The following DLG2 variants were observed in gnomAD, a reference collection of about 807,000 sequenced individuals.
The protein encoded by DLG2 is discs large MAGUK scaffold protein 2.
DLG2 carries 45 observed loss-of-function variants against 132.5 expected under a neutral mutation model. The ratio of observed to expected loss-of-function variants is 0.34; its 90% CI spans 0.27 to 0.44. The LOEUF (loss-of-function observed/expected upper bound fraction) is 0.44. Ranked by LOEUF, DLG2 falls within the 20% of genes least tolerant of loss-of-function variation. The pLI, the probability that DLG2 is intolerant of heterozygous loss-of-function variation, is 1.00. For synonymous variants in DLG2, 424 were observed against 419.6 expected (o/e 1.01, Z -0.13); for missense variants, 1,045 against 1,196.9 (o/e 0.87, Z 1.87).
intron 6 of DLG2, chr11:84,546,603 T>C: frequency 2.0e-6 from 1 of 492,846 alleles, no homozygotes; most frequent in Non-Finnish European, 3.9e-6. Flanking sequence ...TCCACGACTC[T>C]CTCATACCTC....
At chr11:83,714,102 A>G (rs936977411) in intron 18 of DLG2, among the ~76,000 whole-genome samples, 1 of 152,208 alleles carries the variant, frequency 6.6e-6, no homozygotes, top group Admixed American at 6.5e-5. Flanking sequence ...TTTGTTCTTA[A>G]CAAAACAGAA....
intron 5 of DLG2, among the ~76,000 whole-genome samples, chr11:85,127,491 T>G (rs2075270382): frequency 1.3e-5 from 2 of 152,170 alleles, no homozygotes; most frequent in South Asian, 4.1e-4. Flanking sequence ...TTATCAGACA[T>G]CACTGCTATT....
At chr11:85,266,570 G>A (rs1470917649) in intron 4 of DLG2, among the ~76,000 whole-genome samples, 1 of 151,750 alleles carries the variant, frequency 6.6e-6, no homozygotes, top group East Asian at 1.9e-4. Flanking sequence ...TAACAATCCT[G>A]CATGTTCTGC....
chr11:83,977,970 A>G (rs1209737114), intron 12 of DLG2, among the ~76,000 whole-genome samples: 2 of 152,068 alleles, frequency 1.3e-5, no homozygotes, highest in Non-Finnish European at 2.9e-5. Flanking sequence ...GAAATATTCT[A>G]TTTACCAGTG....
chr11:84,222,901 T>A (rs2096935797), intron 8 of DLG2, among the ~76,000 whole-genome samples: 1 of 152,206 alleles, frequency 6.6e-6, no homozygotes, highest in Non-Finnish European at 1.5e-5. Flanking sequence ...CCTTGGCTAA[T>A]GTGTGGCATA....
rs55876762 is a variant in DLG2 at position 84,236,049 on chromosome 11, T to TAA, written c.573+15187_573+15188dup. On this transcript the variant is annotated intron_variant, in intron 8 of 27. Coordinates refer to ENST00000376104, the MANE Select transcript of DLG2 (RefSeq NM_001142699.3). ...ATATTTCCACCTTTCTCCATTTTATTAAAAAAAAAAAAAAACAACTAAGGC... is the reference window on the plus strand; with the variant it reads ...ATATTTCCACCTTTCTCCATTTTATTAAAAAAAAAAAAAAAAACAACTAAGGC... Among the ~76,000 whole-genome samples the TAA allele has an allele frequency of 2.1e-3, 305 of 143,342 alleles. 1 individual carries two copies. The highest frequency in any genetic ancestry group is 6.5e-3 in the Admixed American group (94 of 14,398). 94.0% of individuals were successfully genotyped at this position (143,342 alleles called of 152,430 possible). A position where few individuals can be genotyped will look rare whatever the true frequency, so the allele number is the denominator to read the frequency against.
At chr11:84,990,808 G>A (rs1045776137) in intron 6 of DLG2, among the ~76,000 whole-genome samples, 15 of 152,044 alleles carry the variant, frequency 9.9e-5, no homozygotes, top group South Asian at 8.3e-4. Flanking sequence ...TTTTAGTTTC[G>A]CTGCTGTTTC....
intron 19 of DLG2, among the ~76,000 whole-genome samples, chr11:83,555,345 G>T (rs181469538): frequency 2.6e-5 from 4 of 152,354 alleles, no homozygotes; most frequent in Admixed American, 2.6e-4. Context: ...GATGTGAGAT[G>T]ATCAGATTTA....
chr11:84,781,057 ATGTGTGTG>A (rs35479707), intron 6 of DLG2, among the ~76,000 whole-genome samples: 39 of 143,036 alleles, frequency 2.7e-4, no homozygotes, highest in South Asian at 2.0e-3. Context: ...TCATAACTTA[ATGTGTGTG>A]TGTGTGTGTG....
chr11:84,890,935 G>A (rs1260840279), intron 6 of DLG2: 1 of 152,124 alleles, frequency 6.6e-6, no homozygotes, highest in African/African-American at 2.4e-5. Flanking sequence ...GATTCCTCTT[G>A]GAATGTTGGT....
chr11:85,484,835 AG>A (rs1459740451), intron 3 of DLG2, among the ~76,000 whole-genome samples: 2 of 150,432 alleles, frequency 1.3e-5, no homozygotes, highest in African/African-American at 4.9e-5. Context: ...CATTTGACCC[AG>A]CCATCCCATT....
At chr11:85,066,110 AG>A (rs1203091041) in intron 6 of DLG2, among the ~76,000 whole-genome samples, 1 of 151,722 alleles carries the variant, frequency 6.6e-6, no homozygotes, top group Non-Finnish European at 1.5e-5. Flanking sequence ...GAAATGATAA[AG>A]GTGACATCAC....
At chr11:84,873,642 A>G (rs17147670) in intron 6 of DLG2, among the ~76,000 whole-genome samples, 3,701 of 152,266 alleles carry the variant, frequency 0.024, 171 homozygotes, top group African/African-American at 0.085. Context: ...TTAGGGAGAG[A>G]GTTACTCCTG....
intron 6 of DLG2, among the ~76,000 whole-genome samples, chr11:84,931,481 T>C (rs1022288545): frequency 1.3e-5 from 2 of 152,214 alleles, no homozygotes; most frequent in Admixed American, 1.3e-4. Context: ...TCCATGTTCC[T>C]GCAAAGGACA....
At chr11:84,884,080 A>T (rs1040032083) in intron 6 of DLG2, among the ~76,000 whole-genome samples, 1 of 152,158 alleles carries the variant, frequency 6.6e-6, no homozygotes, top group Non-Finnish European at 1.5e-5. Flanking sequence ...CTACTCACAC[A>T]TGACATATAA....
At chr11:84,181,628 A>G (rs912787852) in intron 8 of DLG2, among the ~76,000 whole-genome samples, 2 of 152,164 alleles carry the variant, frequency 1.3e-5, no homozygotes, top group Admixed American at 1.3e-4. Context: ...TGTTGTCTAC[A>G]AGAAAAACAC....
chr11:84,749,992 T>C (rs575646586), intron 6 of DLG2, among the ~76,000 whole-genome samples: 131 of 152,318 alleles, frequency 8.6e-4, no homozygotes, highest in African/African-American at 2.8e-3. Flanking sequence ...CAAATATTTG[T>C]GTTTTTTAAT....
chr11:85,293,270 AG>A (rs1388528806), intron 3 of DLG2, among the ~76,000 whole-genome samples: 19 of 152,148 alleles, frequency 1.2e-4, no homozygotes, highest in African/African-American at 4.6e-4. Flanking sequence ...CCCACCAATT[AG>A]AACAAAATGG....
intron 4 of DLG2, among the ~76,000 whole-genome samples, chr11:85,159,670 A>G (rs2077875729): frequency 1.3e-5 from 2 of 152,332 alleles, no homozygotes; most frequent in African/African-American, 4.8e-5. Flanking sequence ...TGCTTGAGCA[A>G]ATTAACTCCT....
Sources: allele counts gnomAD v4.1 joint callset (sites outside exome capture counted in the v4.1 genomes callset), GRCh38; gene constraint gnomAD v4.1.1; transcripts MANE v1.5; gene names NCBI Gene and HGNC (gene_info 2026-07-23, HGNC 2026-07-21).